GIMAP8: variants seen among roughly 807,000 people sequenced by gnomAD.
GIMAP8 encodes GTPase IMAP family member 8.
Under a neutral mutation model 35.6 loss-of-function variants are expected in GIMAP8, and 29 were observed. The ratio of observed to expected loss-of-function variants is 0.81; its 90% CI spans 0.61 to 1.11. The LOEUF (loss-of-function observed/expected upper bound fraction) is 1.11, where lower values mean the gene tolerates loss of function less well. Among genes scored for constraint, GIMAP8 ranks in the 50% most tolerant of loss-of-function variants. The pLI is 0.00. For synonymous variants in GIMAP8, 335 were observed against 308.7 expected (o/e 1.09, Z -0.89); for missense variants, 811 against 805.0 (o/e 1.01, Z -0.09).
At chr7:150,470,902 C>T in intron 3 of GIMAP8, 28 bp downstream of exon 3, 2 of 1,504,360 alleles carry the variant, frequency 1.3e-6, no homozygotes, top group South Asian at 1.1e-5. Context: ...AAACATTAAG[C>T]TCACACTTGT....
At position 150,451,429 on chromosome 7, in the gene GIMAP8, C is replaced by T. The variant is rs1801605114; in HGVS notation, c.-29+254C>T. On this transcript the variant is annotated intron_variant, in intron 1 of 4. Coordinates refer to ENST00000307271, the MANE Select transcript of GIMAP8 (RefSeq NM_175571.4). This position sits in a 1 kb window ranked among gnomAD's most constrained non-coding sequence, Gnocchi z 4.1. ...GTTGAATGGCAGGGGCCCTGGGAAGCTTTCCTCCTGGTCCAAAGCGTGTCT... is the reference window on the plus strand; with the variant it reads ...GTTGAATGGCAGGGGCCCTGGGAAGTTTTCCTCCTGGTCCAAAGCGTGTCT... 6.6e-6 allele frequency among the ~76,000 whole-genome samples: 1 copy of T among 152,158 alleles called. No homozygotes were observed. The highest frequency in any genetic ancestry group is 6.5e-5 in the Admixed American group (1 of 15,288).
intron 1 of GIMAP8, among the ~76,000 whole-genome samples, chr7:150,452,669 G>A (rs1265377338): frequency 4.2e-4 from 36 of 85,840 alleles, no homozygotes; most frequent in African/African-American, 1.8e-3. Flanking sequence ...GTGTGTGTGT[G>A]TGTGAGATAT....
chr7:150,473,495 A>G (rs1406661130), intron 3 of GIMAP8, among the ~76,000 whole-genome samples: 2 of 149,282 alleles, frequency 1.3e-5, no homozygotes, highest in Non-Finnish European at 3.0e-5. Context: ...TTCATATGGT[A>G]GAATCATCTA....
intron 1 of GIMAP8, among the ~76,000 whole-genome samples, chr7:150,458,134 T>A (rs1801768533): frequency 6.6e-6 from 1 of 152,124 alleles, no homozygotes; most frequent in Non-Finnish European, 1.5e-5. Context: ...GAATGAATGA[T>A]GTGTGTGGTG....
chr7:150,476,162 A>G (rs1299864159), intron 4 of GIMAP8, among the ~76,000 whole-genome samples: 1 of 152,238 alleles, frequency 6.6e-6, no homozygotes, highest in Admixed American at 6.5e-5. Flanking sequence ...TTGAAGTTTC[A>G]GCATAAACAG....
At position 150,477,683 on chromosome 7, in the gene GIMAP8, C is replaced by A; in HGVS notation, c.1901C>A (p.Pro634His). 1 of 1,614,054 alleles carries A rather than the reference C, an allele frequency of 6.2e-7. No individual in the cohort carries two copies. Among genetic ancestry groups the A allele is most frequent in the Non-Finnish European group, 8.5e-7 (1 of 1,179,996 alleles). ...AAAGAAAGTGGGTGGTCCGGGTATC[C>A]CCATACACAGGAGAACGTCAGCAAA... ...LRKESGWSGY[P>H]HTQENVSKLI... The change falls in exon 5 of 5, where the codon CCC becomes CAC. Residue 634 changes from proline to histidine, a missense_variant. Transcript: ENST00000307271.
At chr7:150,475,668 C>G (rs1237889901) in intron 4 of GIMAP8, among the ~76,000 whole-genome samples, 1 of 152,082 alleles carries the variant, frequency 6.6e-6, no homozygotes, top group Non-Finnish European at 1.5e-5. Context: ...AACATCCTCA[C>G]CCAGGAAGAA....
Position 150,477,878 on chromosome 7 carries a change from T to C in GIMAP8, c.*98T>C. 9 of 950,182 alleles carry C rather than the reference T, an allele frequency of 9.5e-6. No individual in the cohort carries two copies. The highest frequency in any genetic ancestry group is 3.3e-4 in the Middle Eastern group (1 of 3,030). 58.9% of individuals were successfully genotyped at this position (950,182 alleles called of 1,614,324 possible). ...ACCTGTGGGAAGGGAAGCGGGTTCA[T>C]GGCTTTGAGGGCCTGAGAGGCAAAT... On this transcript the variant is annotated 3_prime_UTR_variant, in exon 5 of 5. Transcript: ENST00000307271.
chr7:150,454,464 C>T (rs1563279279), intron 1 of GIMAP8, among the ~76,000 whole-genome samples: 1 of 152,164 alleles, frequency 6.6e-6, no homozygotes, highest in African/African-American at 2.4e-5. Flanking sequence ...GACATGGAGC[C>T]TCAGAGTCCT....
intron 1 of GIMAP8, among the ~76,000 whole-genome samples, chr7:150,466,352 T>A (rs2116602797): frequency 6.6e-6 from 1 of 152,292 alleles, no homozygotes; most frequent in East Asian, 1.9e-4. Context: ...CCATTACTAT[T>A]AATTATGAGA....
chr7:150,452,679 T>TATATATATATAG lies in GIMAP8; in HGVS notation c.-29+1515_-29+1516insGATATATATATA, dbSNP rs1467265472. 8.8e-5 allele frequency among the ~76,000 whole-genome samples: 4 copies of TATATATATATAG among 45,606 alleles called. 1 individual carries two copies. The highest frequency in any genetic ancestry group is 3.4e-4 in the African/African-American group (4 of 11,906). The allele number at this position is 45,606 out of a possible 152,430, so 29.9% of individuals were successfully genotyped here. A position where few individuals can be genotyped will look rare whatever the true frequency, so the allele number is the denominator to read the frequency against. On this transcript the variant is annotated intron_variant, in intron 1 of 4. Transcript: ENST00000307271. ...TGTGTGTGTGTGTGTGTGTGAGATATATATATATATATATATATATATATA... is the reference window on the plus strand; with the variant it reads ...TGTGTGTGTGTGTGTGTGTGAGATATATATATATATAGATATATATATATATATATATATATA...
chr7:150,464,912 T>C (rs555345189), intron 1 of GIMAP8, among the ~76,000 whole-genome samples: 8 of 152,270 alleles, frequency 5.3e-5, no homozygotes, highest in African/African-American at 1.7e-4. Flanking sequence ...ACATTGTGAA[T>C]TGGCAGCTAA....
At position 150,456,701 on chromosome 7, in the gene GIMAP8, C is replaced by T. The variant is rs530315898; in HGVS notation, c.-29+5526C>T. On this transcript the variant is annotated intron_variant, in intron 1 of 4. Transcript: ENST00000307271. The stretch of plus-strand genomic sequence containing the variant: ...TCTACAACAGAAAGTACTTAGATTC[C>T]CCCTCTCCAGCATTTATAGTGGGCG... Among the ~76,000 whole-genome samples the T allele has an allele frequency of 2.6e-5, 4 of 152,332 alleles. No individual in the cohort carries two copies. In the East Asian group the frequency reaches 7.7e-4, roughly 29 times the overall value.
At position 150,466,652 on chromosome 7, in the gene GIMAP8, T is replaced by C. The variant is rs769594752; in HGVS notation, c.-28-19T>C. The stretch of plus-strand genomic sequence containing the variant: ...TGTGTGGGAGTTGAACATTAATGTG[T>C]TGTTTTCTGTCCCAACAGAACAAGC... On this transcript the variant is annotated intron_variant, in intron 1 of 4. Transcript: ENST00000307271. 7 of 1,589,100 alleles carry C rather than the reference T, an allele frequency of 4.4e-6. No individual in the cohort carries two copies. In the East Asian group the frequency reaches 9.0e-5, roughly 20 times the overall value.
Position 150,466,762 on chromosome 7 carries a change from G to A in GIMAP8, c.64G>A (p.Gly22Arg), listed in dbSNP as rs150937690. ...CCTCCTCCTGGGAAAATGCCGCTCG[G>A]GAAAAAGTGCCACAGGAAATGCCAT... ...RLLLLGKCRS[G>R]KSATGNAILG... is the part of the protein sequence containing the mutation. The change falls in exon 2 of 5, where the codon GGA becomes AGA. Residue 22 changes from glycine to arginine, a missense_variant. Physicochemically the swap from Gly to Arg is moderately radical, Grantham distance 125. Coordinates refer to ENST00000307271, the MANE Select transcript of GIMAP8 (RefSeq NM_175571.4). 1 of 1,614,102 alleles carries A rather than the reference G, an allele frequency of 6.2e-7. No individual in the cohort carries two copies. The highest frequency in any genetic ancestry group is 8.5e-7 in the Non-Finnish European group (1 of 1,180,028).
At chr7:150,476,910 G>A (rs1286441822) in intron 4 of GIMAP8, among the ~76,000 whole-genome samples, 182 bp from the exon 5 acceptor site, 1 of 152,210 alleles carries the variant, frequency 6.6e-6, no homozygotes, top group Non-Finnish European at 1.5e-5. Context: ...TCCACAGACT[G>A]AGTGAACTGG....
intron 3 of GIMAP8, among the ~76,000 whole-genome samples, chr7:150,473,121 C>G (rs1366861969): frequency 1.3e-5 from 2 of 152,190 alleles, no homozygotes; most frequent in African/African-American, 4.8e-5. Flanking sequence ...AGACCCTTCC[C>G]ACGAAGGCTG....
intron 1 of GIMAP8, among the ~76,000 whole-genome samples, chr7:150,452,709 T>TATATATATATATATATATATACAC (rs1373884339): frequency 9.4e-5 from 10 of 106,618 alleles, no homozygotes; most frequent in East Asian, 4.0e-4. Flanking sequence ...TATATATATA[T>TATATATATATATATATATATACAC]ACATGCGAGT....
At chr7:150,463,605 A>G (rs766970955) in intron 1 of GIMAP8, among the ~76,000 whole-genome samples, 3 of 152,086 alleles carry the variant, frequency 2.0e-5, no homozygotes, top group Non-Finnish European at 4.4e-5. Flanking sequence ...TTTGGCTGTA[A>G]TCAATGTCAG....
Sources: allele counts gnomAD v4.1 joint callset (sites outside exome capture counted in the v4.1 genomes callset), GRCh38; gene constraint gnomAD v4.1.1; non-coding constraint Gnocchi (gnomAD v3.1); transcripts MANE v1.5; gene names NCBI Gene and HGNC (gene_info 2026-07-23, HGNC 2026-07-21).